EDA: variants seen among roughly 807,000 people sequenced by gnomAD.
EDA encodes the protein ectodysplasin-A.
A neutral mutation model predicts 23.6 loss-of-function variants in EDA; 2 were observed. The ratio of observed to expected loss-of-function variants is 0.08; its 90% CI spans 0.03 to 0.27. The LOEUF is 0.27. EDA is among the 10% of genes least tolerant of loss of function. The pLI, the probability that EDA is intolerant of heterozygous loss-of-function variation, is 1.00. For missense variants in EDA, 229 were observed against 324.2 expected (o/e 0.71, Z 2.26); for synonymous variants, 131 against 132.0 (o/e 0.99, Z 0.05).
chrX:69,770,761 A>G (rs2014609916), intron 1 of EDA, among the ~76,000 whole-genome samples: 1 of 110,700 alleles, frequency 9.0e-6, no homozygotes, highest in African/African-American at 3.3e-5. Flanking sequence ...TTTTTGATAG[A>G]TTAGGCTTTT....
chrX:69,733,477 C>G (rs1234940654), intron 1 of EDA, among the ~76,000 whole-genome samples: 2 of 111,829 alleles, frequency 1.8e-5, no homozygotes, highest in Non-Finnish European at 3.8e-5. Context: ...GTTTTGGTAC[C>G]AGTACCATGC....
chrX:69,750,606 C>A (rs984348492), intron 1 of EDA, among the ~76,000 whole-genome samples: 5 of 111,386 alleles, frequency 4.5e-5, no homozygotes, highest in African/African-American at 1.6e-4. Context: ...ACACTGTCTT[C>A]CACAATGGTT....
chrX:69,922,357 T>A (rs1463923529), intron 1 of EDA, among the ~76,000 whole-genome samples: 1 of 112,170 alleles, frequency 8.9e-6, no homozygotes, highest in African/African-American at 3.2e-5. Flanking sequence ...TAAAACTATG[T>A]TTAACTTTGT....
intron 1 of EDA, among the ~76,000 whole-genome samples, chrX:69,696,239 C>CAA (rs367811835): frequency 6.5e-4 from 58 of 89,844 alleles, no homozygotes; most frequent in South Asian, 1.1e-3. Context: ...AACTCTGTCT[C>CAA]AAAAAAAAAA....
intron 2 of EDA, among the ~76,000 whole-genome samples, chrX:69,982,594 G>A (rs909824564): frequency 1.8e-5 from 2 of 111,254 alleles, no homozygotes; most frequent in Non-Finnish European, 3.8e-5. Flanking sequence ...TCACTTTTGA[G>A]GATATTGTGT....
chrX:69,784,966 C>G (rs2015102714), intron 1 of EDA, among the ~76,000 whole-genome samples: 1 of 110,305 alleles, frequency 9.1e-6, no homozygotes, highest in Non-Finnish European at 1.9e-5. Context: ...CTTTTATTTC[C>G]TTGAGCAGTG....
chrX:69,749,012 T>C (rs955957728), intron 1 of EDA, among the ~76,000 whole-genome samples: 2 of 102,479 alleles, frequency 2.0e-5, no homozygotes, highest in African/African-American at 7.1e-5. Context: ...TATGTATACA[T>C]GTGCCATGCT....
At chrX:69,789,202 T>A (rs1202086812) in intron 1 of EDA, among the ~76,000 whole-genome samples, 2 of 111,678 alleles carry the variant, frequency 1.8e-5, no homozygotes, top group African/African-American at 3.3e-5. Context: ...TCGCACTCCC[T>A]AGTGAGATGA....
At chrX:69,808,678 C>T (rs1456269630) in intron 1 of EDA, among the ~76,000 whole-genome samples, 1 of 111,618 alleles carries the variant, frequency 9.0e-6, no homozygotes, top group African/African-American at 3.3e-5. Context: ...ATGATAGTGC[C>T]GTTGAGGTAC....
chrX:69,734,779 G>T (rs1214806996), intron 1 of EDA, among the ~76,000 whole-genome samples: 1 of 111,636 alleles, frequency 9.0e-6, no homozygotes, highest in Non-Finnish European at 1.9e-5. Context: ...ATTTCATTGT[G>T]TTAGAGAACA....
intron 2 of EDA, among the ~76,000 whole-genome samples, chrX:69,966,006 C>T (rs755534624): frequency 9.0e-6 from 1 of 111,479 alleles, no homozygotes; most frequent in South Asian, 3.8e-4. Flanking sequence ...ATGATTGAGC[C>T]TCTGCTCTCC....
chrX:69,679,616 T>G (rs1934253216), intron 1 of EDA, among the ~76,000 whole-genome samples: 1 of 112,041 alleles, frequency 8.9e-6, no homozygotes, highest in Non-Finnish European at 1.9e-5. Flanking sequence ...GTAGAGGTGT[T>G]TGTCGTATTC....
intron 1 of EDA, among the ~76,000 whole-genome samples, chrX:69,727,351 G>A (rs1444186742): frequency 8.9e-6 from 1 of 112,152 alleles, no homozygotes; most frequent in Admixed American, 9.4e-5. Context: ...ATTTAGGGCT[G>A]TGGATTTCCA....
At chrX:69,848,491 C>A (rs1323515456) in intron 1 of EDA, among the ~76,000 whole-genome samples, 2 of 111,276 alleles carry the variant, frequency 1.8e-5, no homozygotes, top group Non-Finnish European at 3.8e-5. Context: ...ATCCCACTAC[C>A]ATTTTTTCTT....
chrX:69,678,058 G>C (rs1193432113), intron 1 of EDA, among the ~76,000 whole-genome samples: 1 of 110,861 alleles, frequency 9.0e-6, no homozygotes, highest in Non-Finnish European at 1.9e-5. Flanking sequence ...AGTTTTCCCA[G>C]CACCATTTAT....
At chrX:69,777,810 G>A (rs1012289054) in intron 1 of EDA, among the ~76,000 whole-genome samples, 1 of 111,947 alleles carries the variant, frequency 8.9e-6, no homozygotes, top group African/African-American at 3.2e-5. Context: ...ATAAAACAAC[G>A]TAGTTTTATA....
Position 69,616,615 on chromosome X carries a change from A to G in EDA, c.307A>G (p.Thr103Ala). 2.5e-6 allele frequency: 3 copies of G among 1,210,292 alleles called. No homozygotes were observed. The highest frequency in any genetic ancestry group is 3.4e-6 in the Non-Finnish European group (3 of 894,964). The change falls in exon 1 of 8, where the codon ACC (threonine) becomes GCC (alanine). Residue 103 changes from threonine (T) to alanine (A), a missense_variant. Transcript: ENST00000374552. Reference sequence around the variant, plus strand: ...TGGCCTCGACCCTGACAGCCCCATCACCAGTCACCTTGGGCAGCCGTCACC... The same window carrying G: ...TGGCCTCGACCCTGACAGCCCCATCGCCAGTCACCTTGGGCAGCCGTCACC... Reference protein sequence around the residue: ...LGGLDPDSPITSHLGQPSPKQ... With the variant: ...LGGLDPDSPIASHLGQPSPKQ...
intron 1 of EDA, among the ~76,000 whole-genome samples, chrX:69,783,529 T>C (rs78267632): frequency 9.6e-6 from 1 of 104,250 alleles, no homozygotes; most frequent in Admixed American, 1.1e-4. Context: ...TGAGTGAGAA[T>C]ATGCAGTCTT....
intron 1 of EDA, among the ~76,000 whole-genome samples, chrX:69,780,047 T>C (rs1456923701): frequency 0.071 from 1 of 14 alleles, no homozygotes; most frequent in East Asian, 0.5. Flanking sequence ...TGGCTACTTA[T>C]ATCATAAAAA....
Sources: allele counts gnomAD v4.1 joint callset (sites outside exome capture counted in the v4.1 genomes callset), GRCh38; gene constraint gnomAD v4.1.1; transcripts MANE v1.5; gene names NCBI Gene and HGNC (gene_info 2026-07-23, HGNC 2026-07-21).